Variants in RICTOR observed in about 807,000 individuals in gnomAD.
RICTOR encodes the protein rapamycin-insensitive companion of mTOR.
In RICTOR, 49 loss-of-function variants were observed where a neutral mutation model predicts 214.9. The ratio of observed to expected loss-of-function variants is 0.23; its 90% CI spans 0.18 to 0.29. The LOEUF (loss-of-function observed/expected upper bound fraction) is 0.29, where lower values mean the gene tolerates loss of function less well. RICTOR is among the 10% of genes least tolerant of loss of function. The pLI is 1.00. For synonymous variants in RICTOR, 717 were observed against 711.3 expected (o/e 1.01, Z -0.13); for missense variants, 1,625 against 2,047.0 (o/e 0.79, Z 3.98).
chr5:39,018,523 T>C (rs184895959), intron 3 of RICTOR, among the ~76,000 whole-genome samples: 8 of 152,254 alleles, frequency 5.3e-5, no homozygotes, highest in Non-Finnish European at 1.2e-4. Context: ...CTGTCACATT[T>C]TGGCAATTCT....
intron 2 of RICTOR, among the ~76,000 whole-genome samples, chr5:39,043,947 T>A (rs777870167): frequency 1.7e-4 from 26 of 152,202 alleles, no homozygotes; most frequent in Non-Finnish European, 3.4e-4. Context: ...TTAGCCTTCA[T>A]AACGGTAAGA....
intron 2 of RICTOR, among the ~76,000 whole-genome samples, chr5:39,069,299 CA>C (rs796901121): frequency 2.6e-5 from 4 of 152,242 alleles, no homozygotes; most frequent in South Asian, 4.2e-4. Context: ...GTTATCATTC[CA>C]TATCTCCCAC....
At chr5:39,066,403 T>A (rs1006063050) in intron 2 of RICTOR, among the ~76,000 whole-genome samples, 1 of 152,228 alleles carries the variant, frequency 6.6e-6, no homozygotes, top group Non-Finnish European at 1.5e-5. Flanking sequence ...GGGCCTATGA[T>A]GAGAGGGGCT....
intron 3 of RICTOR, among the ~76,000 whole-genome samples, chr5:39,007,568 TAAA>T (rs1456568593): frequency 1.3e-5 from 2 of 151,990 alleles, no homozygotes; most frequent in Non-Finnish European, 2.9e-5. Flanking sequence ...CCTTATAATG[TAAA>T]AGGTTGAAAC....
chr5:39,035,011 T>C lies in RICTOR; in HGVS notation c.98-13875A>G, dbSNP rs578258253. 3.4e-3 allele frequency among the ~76,000 whole-genome samples: 525 copies of C among 152,338 alleles called. 5 individuals are homozygous for C. Among genetic ancestry groups the C allele is most frequent in the African/African-American group, 0.012 (494 of 41,578 alleles). On this transcript the variant is annotated intron_variant, in intron 2 of 37. Coordinates refer to ENST00000357387, the MANE Select transcript of RICTOR (RefSeq NM_152756.5). ...GCTGGAGATCTGAGAACGGGCAGAC[T>C]GCCTCCTCAAGTGGGTCCCTGACCC...
At position 38,944,517 on chromosome 5, in the gene RICTOR, T is replaced by C; in HGVS notation, c.4842A>G (p.Lys1614=). The C allele has an allele frequency of 6.2e-7, 1 of 1,612,574 alleles. No homozygotes were observed. ...AATTAATGACTAATCTTAGAACTTC[T>C]TTGCGAAGGAGTATACGGCACATTG... is the stretch of plus-strand genomic sequence containing the variant. ...DTPMCRILLR[K]EVLRLVINLS... Residue 1614 remains lysine (K), a synonymous_variant, in exon 36 of 38, where the codon AAA becomes AAG. Coordinates refer to ENST00000357387, the MANE Select transcript of RICTOR (RefSeq NM_152756.5).
At chr5:38,978,916 A>G (rs1010870362) in intron 8 of RICTOR, among the ~76,000 whole-genome samples, 4 of 152,182 alleles carry the variant, frequency 2.6e-5, no homozygotes, top group African/African-American at 9.7e-5. Context: ...CTAGCACAAG[A>G]TAAAACATTA....
chr5:38,966,797 CA>C, intron 14 of RICTOR, 76 bp from the exon 15 acceptor site: 5 of 634,636 alleles, frequency 7.9e-6, no homozygotes, highest in African/African-American at 2.9e-5. Context: ...ATTTATTTTT[CA>C]AAATTTTTTT....
intron 3 of RICTOR, among the ~76,000 whole-genome samples, chr5:39,006,985 A>G (rs2150113813): frequency 6.6e-6 from 1 of 152,302 alleles, no homozygotes; most frequent in African/African-American, 2.4e-5. Context: ...TACAAATTTA[A>G]GAGAATGCGT....
intron 8 of RICTOR, 100 bp from the exon 9 acceptor site, chr5:38,978,750 G>T: frequency 5.5e-6 from 3 of 546,362 alleles, no homozygotes; most frequent in South Asian, 2.7e-5. Context: ...ATCTTTAATG[G>T]GTTTACTGCT....
At chr5:38,960,285 C>T (rs149155512) in intron 20 of RICTOR, 113 bp downstream of exon 20, 49 of 1,008,872 alleles carry the variant, frequency 4.9e-5, no homozygotes, top group African/African-American at 2.1e-4. Context: ...TTTCCAAATA[C>T]GGCTTATGCA....
rs1171746199 is a variant in RICTOR at position 38,959,847 on chromosome 5, T to C, written c.1983A>G (p.Leu661=). 1 of 1,613,464 alleles carries C rather than the reference T, an allele frequency of 6.2e-7. No individual in the cohort carries two copies. The highest frequency in any genetic ancestry group is 8.5e-7 in the Non-Finnish European group (1 of 1,179,564). Residue 661 remains leucine (L), a synonymous_variant, in exon 21 of 38, where the codon TTA becomes TTG. Transcript: ENST00000357387. ...LLTTLSQHYF[L]FIGTLSCHPH... ...GGTGGCAAGAAAGTGTTCCAATAAATAAAAAGTAGTGTTGACTAAGGGTGG... is the reference window on the plus strand; with the variant it reads ...GGTGGCAAGAAAGTGTTCCAATAAACAAAAAGTAGTGTTGACTAAGGGTGG...
chr5:38,942,842 C>A lies in RICTOR; in HGVS notation c.5043G>T (p.Gln1681His), dbSNP rs1168162758. 6.2e-7 allele frequency: 1 copy of A among 1,607,336 alleles called. No individual in the cohort carries two copies. Among genetic ancestry groups the A allele is most frequent in the Non-Finnish European group, 8.5e-7 (1 of 1,173,914 alleles). Residue 1681 changes from glutamine (Q) to histidine (H), a missense_variant, in exon 37 of 38, where the codon CAG (glutamine) becomes CAT (histidine). Physicochemically the swap from Gln to His is conservative, Grantham distance 24. Transcript: ENST00000357387. ...RFIQELFQDV[Q>H]FLQMHEEAEA... ...TACTAATCATACTTACTTGTAGAAA[C>A]TGTACATCTTGAAATAATTCTTGTA...
At chr5:38,969,063 G>A (rs915965361) in intron 11 of RICTOR, among the ~76,000 whole-genome samples, 3 of 144,722 alleles carry the variant, frequency 2.1e-5, no homozygotes, top group South Asian at 2.4e-4. Context: ...TCCACCTCCC[G>A]GGTTCAAGCA....
chr5:38,987,215 G>C (rs1561496087), intron 7 of RICTOR, among the ~76,000 whole-genome samples: 1 of 152,134 alleles, frequency 6.6e-6, no homozygotes. Context: ...CCAGGTTTTG[G>C]TATCAGGATG....
chr5:38,990,749 TATATG>T (rs1752664558), intron 7 of RICTOR, among the ~76,000 whole-genome samples, 195 bp downstream of exon 7: 1 of 117,476 alleles, frequency 8.5e-6, no homozygotes, highest in Non-Finnish European at 1.7e-5. Context: ...ATATATGAGA[TATATG>T]ATATATATGA....
intron 36 of RICTOR, chr5:38,944,164 AAGTG>A (rs1291807544): frequency 6.0e-6 from 3 of 499,104 alleles, no homozygotes; most frequent in Non-Finnish European, 1.2e-5. Context: ...AAAAGTAAAA[AAGTG>A]AGAAGAGTGG....
At chr5:38,972,083 GT>G in intron 10 of RICTOR, 124 bp from the exon 11 acceptor site, 2 of 550,990 alleles carry the variant, frequency 3.6e-6, no homozygotes, top group Non-Finnish European at 6.4e-6. Flanking sequence ...ATACTATTTG[GT>G]CATCATAAGA....
At chr5:38,958,619 GTA>G in intron 23 of RICTOR, 46 bp downstream of exon 23, 1 of 1,512,280 alleles carries the variant, frequency 6.6e-7, no homozygotes, top group Non-Finnish European at 9.0e-7. Flanking sequence ...TGTCAAATGA[GTA>G]TTTCAAAAAA....
Sources: allele counts gnomAD v4.1 joint callset (sites outside exome capture counted in the v4.1 genomes callset), GRCh38; gene constraint gnomAD v4.1.1; transcripts MANE v1.5; gene names NCBI Gene and HGNC (gene_info 2026-07-23, HGNC 2026-07-21).